Variants in CHCHD6 observed in about 807,000 individuals in gnomAD.
CHCHD6 encodes MICOS complex subunit MIC25.
Under a neutral mutation model 32.3 loss-of-function variants are expected in CHCHD6, and 28 were observed. The ratio of observed to expected loss-of-function variants is 0.87; its 90% confidence interval spans 0.64 to 1.19. The LOEUF (loss-of-function observed/expected upper bound fraction) is 1.19. Ranked by LOEUF, CHCHD6 falls within the 50% of genes most tolerant of loss-of-function variation. The probability of loss-of-function intolerance (pLI) is 0.00; values close to 1 mark genes in which losing one functional copy is unlikely to be tolerated. For missense variants in CHCHD6, 333 were observed against 307.0 expected (o/e 1.08, Z -0.63); for synonymous variants, 122 against 117.5 (o/e 1.04, Z -0.25).
At chr3:126,860,143 G>C (rs1025796392) in intron 5 of CHCHD6, among the ~76,000 whole-genome samples, 2 of 152,160 alleles carry the variant, frequency 1.3e-5, no homozygotes, top group African/African-American at 2.4e-5. Context: ...CCCCTACCTT[G>C]AGGATGTGAG....
chr3:126,956,944 G>A (rs181034566), intron 6 of CHCHD6: 14 of 167,436 alleles, frequency 8.4e-5, no homozygotes, highest in East Asian at 3.2e-4. Flanking sequence ...TTATAGTCAC[G>A]GGTAAACCAC....
intron 5 of CHCHD6, among the ~76,000 whole-genome samples, chr3:126,909,914 C>G (rs1238831471): frequency 6.6e-6 from 1 of 152,176 alleles, no homozygotes; most frequent in African/African-American, 2.4e-5. Context: ...CAGGAGCTCT[C>G]GAGAACTGAC....
intron 4 of CHCHD6, among the ~76,000 whole-genome samples, chr3:126,823,952 A>G (rs919946174): frequency 2.6e-5 from 4 of 151,870 alleles, no homozygotes; most frequent in African/African-American, 7.3e-5. Flanking sequence ...GCACGTGCCT[A>G]TAGTCCCAGC....
chr3:126,844,185 C>G (rs886797502), intron 4 of CHCHD6, among the ~76,000 whole-genome samples: 3 of 152,140 alleles, frequency 2.0e-5, no homozygotes, highest in African/African-American at 7.2e-5. Flanking sequence ...GCATGTGTTT[C>G]CTGCTGTTGT....
intron 4 of CHCHD6, among the ~76,000 whole-genome samples, chr3:126,788,623 A>T (rs557710719): frequency 3.3e-5 from 5 of 152,028 alleles, no homozygotes; most frequent in Admixed American, 6.6e-5. Flanking sequence ...AGAAGTGTTT[A>T]TAGTATTCTC....
At chr3:126,767,014 A>G in intron 4 of CHCHD6, 3 of 871,958 alleles carry the variant, frequency 3.4e-6, no homozygotes, top group Non-Finnish European at 5.8e-6. Context: ...TACATTTGGT[A>G]CAGGCAGGAT....
At position 126,733,107 on chromosome 3, in the gene CHCHD6, A is replaced by G; in HGVS notation, c.296A>G (p.Asp99Gly). 6.2e-7 allele frequency: 1 copy of G among 1,614,224 alleles called. No homozygotes were observed. Among genetic ancestry groups the G allele is most frequent in the Non-Finnish European group, 8.5e-7 (1 of 1,180,034 alleles). ...GAACAGGAGCATGCTGCTATCCAGG[A>G]TAAGCTCTTCCAGGTGGCAAAGAGG... The part of the protein sequence containing the change: ...RYEQEHAAIQ[D>G]KLFQVAKRER... Residue 99 changes from aspartate to glycine, a missense_variant, in exon 4 of 8, where the codon GAT becomes GGT. Physicochemically the swap from Asp to Gly is moderately conservative, Grantham distance 94. Transcript: ENST00000290913.
At chr3:126,896,648 C>G (rs1020665829) in intron 5 of CHCHD6, among the ~76,000 whole-genome samples, 1 of 152,216 alleles carries the variant, frequency 6.6e-6, no homozygotes, top group Admixed American at 6.5e-5. Context: ...CTTCTCATAC[C>G]TGATCAACCC....
chr3:126,878,689 CA>C (rs2077570259), intron 5 of CHCHD6, among the ~76,000 whole-genome samples: 1 of 152,198 alleles, frequency 6.6e-6, no homozygotes. Context: ...AGGCAAAAAT[CA>C]TGAATTGGTC....
Position 126,714,634 on chromosome 3 carries a change from C to T in CHCHD6, c.87+10235C>T, listed in dbSNP as rs912618067. On this transcript the variant is annotated intron_variant, in intron 1 of 7. Transcript: ENST00000290913. ...CCTGTCCTTCTGAAACTGGCCACATCGGCACTGTCCTGGTGCTAGGCCTGC... is the reference window on the plus strand; with the variant it reads ...CCTGTCCTTCTGAAACTGGCCACATTGGCACTGTCCTGGTGCTAGGCCTGC... Among the ~76,000 whole-genome samples the T allele has an allele frequency of 2.0e-5, 3 of 152,128 alleles. No individual in the cohort carries two copies. In the South Asian group the frequency reaches 6.2e-4, roughly 32 times the overall value.
At chr3:126,911,093 T>TA (rs1193144423) in intron 5 of CHCHD6, among the ~76,000 whole-genome samples, 2 of 152,176 alleles carry the variant, frequency 1.3e-5, no homozygotes, top group African/African-American at 4.8e-5. Context: ...TCAGTTCAGG[T>TA]ATTGGCTCCC....
chr3:126,708,797 A>T (rs1199273816), intron 1 of CHCHD6, among the ~76,000 whole-genome samples: 1 of 152,200 alleles, frequency 6.6e-6, no homozygotes, highest in African/African-American at 2.4e-5. Flanking sequence ...AGACCTAAAA[A>T]GATGCCTTGA....
chr3:126,828,684 G>C (rs558631064), intron 4 of CHCHD6, among the ~76,000 whole-genome samples: 24 of 152,316 alleles, frequency 1.6e-4, no homozygotes, highest in African/African-American at 5.8e-4. Flanking sequence ...GAGGGGGAAT[G>C]TATGTTGGCA....
chr3:126,744,301 A>G (rs1936403428), intron 4 of CHCHD6, among the ~76,000 whole-genome samples: 2 of 152,164 alleles, frequency 1.3e-5, no homozygotes, highest in Non-Finnish European at 2.9e-5. Context: ...TTGTGGAAAA[A>G]TGTTTTCAAT....
At chr3:126,945,305 G>T (rs957931917) in intron 6 of CHCHD6, among the ~76,000 whole-genome samples, 1 of 152,078 alleles carries the variant, frequency 6.6e-6, no homozygotes, top group African/African-American at 2.4e-5. Flanking sequence ...GCAGGCCTGT[G>T]GGGGGCGCCA....
intron 4 of CHCHD6, among the ~76,000 whole-genome samples, chr3:126,824,473 A>G (rs936978365): frequency 7.3e-6 from 1 of 137,764 alleles, no homozygotes. Context: ...AAGCAGGAGA[A>G]TCGCTTGAAC....
At chr3:126,736,040 A>AT in intron 4 of CHCHD6, among the ~76,000 whole-genome samples, 1 of 152,266 alleles carries the variant, frequency 6.6e-6, no homozygotes. Context: ...AGCAGATGCT[A>AT]TGGCCATTGC....
At chr3:126,806,601 G>A (rs903182460) in intron 4 of CHCHD6, among the ~76,000 whole-genome samples, 113 of 152,242 alleles carry the variant, frequency 7.4e-4, no homozygotes, top group African/African-American at 2.5e-3. Context: ...CTGTTGGTGG[G>A]ACTGTAAACT....
intron 4 of CHCHD6, among the ~76,000 whole-genome samples, chr3:126,825,420 G>T (rs958541330): frequency 7.9e-5 from 12 of 152,122 alleles, no homozygotes. Flanking sequence ...TTCTGTATAT[G>T]TCAATTCGGT....
Sources: allele counts gnomAD v4.1 joint callset (sites outside exome capture counted in the v4.1 genomes callset), GRCh38; gene constraint gnomAD v4.1.1; transcripts MANE v1.5; gene names NCBI Gene and HGNC (gene_info 2026-07-23, HGNC 2026-07-21).